Variants in RBM28 observed in about 807,000 individuals in gnomAD.
RBM28 encodes RNA-binding protein 28.
A neutral mutation model predicts 98.3 loss-of-function variants in RBM28; 78 were observed. That is an observed-to-expected ratio of 0.79 (90% CI 0.66 to 0.96). RBM28 has a LOEUF of 0.96. Ranked by LOEUF, RBM28 falls within the 40% of genes least tolerant of loss-of-function variation. The pLI, the probability that RBM28 is intolerant of heterozygous loss-of-function variation, is 0.00. For synonymous variants in RBM28, 306 were observed against 330.9 expected (o/e 0.92, Z 0.82); for missense variants, 838 against 913.0 (o/e 0.92, Z 1.06).
At chr7:128,330,163 G>GA (rs936622591) in intron 10 of RBM28, among the ~76,000 whole-genome samples, 5 of 150,062 alleles carry the variant, frequency 3.3e-5, no homozygotes, top group African/African-American at 1.2e-4. Context: ...AAAGCAACAG[G>GA]AAAAAAAAAG....
chr7:128,299,988 C>G lies in RBM28; in HGVS notation c.*10809G>C, dbSNP rs1052464206. On this transcript the variant is annotated 3_prime_UTR_variant, in exon 19 of 19. Coordinates refer to ENST00000223073, the MANE Select transcript of RBM28 (RefSeq NM_018077.3). ...ATTCCTCATGAAGGAACCAACCTTG[C>G]CAACACTTTGATTTTAGACTTCTAG... The G allele has an allele frequency of 2.6e-5, 4 of 152,226 alleles. No individual in the cohort carries two copies. Among genetic ancestry groups the G allele is most frequent in the Non-Finnish European group, 5.9e-5 (4 of 68,038 alleles). 9.4% of individuals were successfully genotyped at this position (152,226 alleles called of 1,614,324 possible). A position where few individuals can be genotyped will look rare whatever the true frequency, so the allele number is the denominator to read the frequency against.
intron 12 of RBM28, among the ~76,000 whole-genome samples, chr7:128,324,184 T>C (rs1399834770): frequency 1.3e-5 from 2 of 152,168 alleles, no homozygotes; most frequent in African/African-American, 2.4e-5. Flanking sequence ...TAAAGGAAAG[T>C]ATTGGGTGCA....
chr7:128,339,457 C>G, intron 2 of RBM28, 136 bp from the exon 3 acceptor site: 1 of 1,131,054 alleles, frequency 8.8e-7, no homozygotes, highest in Non-Finnish European at 1.3e-6. Flanking sequence ...CAAGGAATAC[C>G]AGATTTTTCC....
intron 16 of RBM28, among the ~76,000 whole-genome samples, chr7:128,317,415 G>A (rs979157918): frequency 4.6e-5 from 7 of 152,016 alleles, no homozygotes; most frequent in African/African-American, 1.7e-4. Context: ...TGTAAAAAAC[G>A]GCTGACTGGA....
At chr7:128,333,449 G>T in intron 8 of RBM28, 87 bp from the exon 9 acceptor site, 1 of 1,154,262 alleles carries the variant, frequency 8.7e-7, no homozygotes, top group Non-Finnish European at 1.3e-6. Flanking sequence ...ATAAAGATAA[G>T]CCTGGCGCAG....
At chr7:128,333,254 C>A in intron 9 of RBM28, 36 bp downstream of exon 9, 1 of 1,494,204 alleles carries the variant, frequency 6.7e-7, no homozygotes, top group South Asian at 1.1e-5. Context: ...TCTATGAAGA[C>A]CACGCAAAAG....
In RBM28 at chr7:128,304,930, G is replaced by T. The variant is rs1456575465; in HGVS notation, c.*5867C>A. On this transcript the variant is annotated 3_prime_UTR_variant, in exon 19 of 19. Coordinates refer to ENST00000223073, the MANE Select transcript of RBM28 (RefSeq NM_018077.3). ...AATCCCAGCACTTTGGGAGGCCGAGGTGGGTGGATCACCTGAGGTCAGGAG... is the reference window on the plus strand; with the variant it reads ...AATCCCAGCACTTTGGGAGGCCGAGTTGGGTGGATCACCTGAGGTCAGGAG... 2 of 152,336 alleles carry T rather than the reference G, an allele frequency of 1.3e-5. No homozygotes were observed. Among genetic ancestry groups the T allele is most frequent in the Non-Finnish European group, 2.9e-5 (2 of 68,060 alleles). 9.4% of individuals were successfully genotyped at this position (152,336 alleles called of 1,614,324 possible). A position where few individuals can be genotyped will look rare whatever the true frequency, so the allele number is the denominator to read the frequency against.
intron 13 of RBM28, among the ~76,000 whole-genome samples, 154 bp downstream of exon 13, chr7:128,323,373 C>T (rs575968037): frequency 6.6e-6 from 1 of 152,330 alleles, no homozygotes; most frequent in East Asian, 1.9e-4. Context: ...GGGTTACTTG[C>T]TATTTCACCT....
At chr7:128,312,334 G>A (rs1223342529) in intron 18 of RBM28, among the ~76,000 whole-genome samples, 2 of 152,180 alleles carry the variant, frequency 1.3e-5, no homozygotes, top group Non-Finnish European at 2.9e-5. Context: ...GGAGGCGGAG[G>A]TTGCAGTGAG....
chr7:128,311,758 G>C (rs1795990249), intron 18 of RBM28, among the ~76,000 whole-genome samples: 1 of 151,140 alleles, frequency 6.6e-6, no homozygotes, highest in Non-Finnish European at 1.5e-5. Flanking sequence ...AACAGAGAGA[G>C]AGAAAAAAAA....
intron 6 of RBM28, 134 bp from the exon 7 acceptor site, chr7:128,336,176 T>C: frequency 1.2e-6 from 1 of 812,348 alleles, no homozygotes; most frequent in East Asian, 2.7e-5. Context: ...TTACTGCATA[T>C]AACAGGAGAA....
intron 16 of RBM28, among the ~76,000 whole-genome samples, chr7:128,315,667 CAAG>C (rs1562949282): frequency 2.0e-5 from 3 of 151,324 alleles, no homozygotes; most frequent in African/African-American, 7.3e-5. Context: ...ACCATGTAAG[CAAG>C]AAGGGAGTGA....
At position 128,300,738 on chromosome 7, in the gene RBM28, G is replaced by A. The variant is rs758650641; in HGVS notation, c.*10059C>T. On this transcript the variant is annotated 3_prime_UTR_variant, in exon 19 of 19. Coordinates refer to ENST00000223073, the MANE Select transcript of RBM28 (RefSeq NM_018077.3). ...ATGCTGACTCCAATTGTTGGGTGCG[G>A]TTGCATGGATTGATGTCAAAAGCCT... 1.3e-5 allele frequency: 2 copies of A among 152,352 alleles called. No individual in the cohort carries two copies. Among genetic ancestry groups the A allele is most frequent in the Non-Finnish European group, 2.9e-5 (2 of 68,106 alleles). 9.4% of individuals were successfully genotyped at this position (152,352 alleles called of 1,614,324 possible).
chr7:128,328,497 T>C (rs1796402291), intron 10 of RBM28, among the ~76,000 whole-genome samples: 1 of 152,208 alleles, frequency 6.6e-6, no homozygotes, highest in African/African-American at 2.4e-5. Flanking sequence ...AAAAATTTAA[T>C]GAGCTAGGGA....
intron 1 of RBM28, among the ~76,000 whole-genome samples, chr7:128,342,138 C>A (rs910525438): frequency 1.1e-4 from 16 of 152,172 alleles, no homozygotes; most frequent in Non-Finnish European, 1.9e-4. Context: ...CAACTGTCAA[C>A]AGGGTTGACA....
At position 128,302,909 on chromosome 7, in the gene RBM28, A is replaced by T. The variant is rs1018174411; in HGVS notation, c.*7888T>A. ...TGCCCCAGCCTCCCGAGCAGCTGGG[A>T]CTACAGTGCACACCACCACACAAGG... is the stretch of plus-strand genomic sequence containing the variant. On this transcript the variant is annotated 3_prime_UTR_variant, in exon 19 of 19. Transcript: ENST00000223073. 1 of 152,158 alleles carries T rather than the reference A, an allele frequency of 6.6e-6. No individual in the cohort carries two copies. Among genetic ancestry groups the T allele is most frequent in the African/African-American group, 2.4e-5 (1 of 41,390 alleles). 9.4% of individuals were successfully genotyped at this position (152,158 alleles called of 1,614,324 possible). A position where few individuals can be genotyped will look rare whatever the true frequency, so the allele number is the denominator to read the frequency against.
At chr7:128,343,043 T>G (rs1361596514) in intron 1 of RBM28, among the ~76,000 whole-genome samples, 1 of 152,226 alleles carries the variant, frequency 6.6e-6, no homozygotes, top group African/African-American at 2.4e-5. Flanking sequence ...GTTTATTGGC[T>G]CGTTTATTGG....
intron 8 of RBM28, among the ~76,000 whole-genome samples, chr7:128,333,723 AAAAT>A (rs1796536618): frequency 6.6e-6 from 1 of 152,184 alleles, no homozygotes; most frequent in Admixed American, 6.5e-5. Flanking sequence ...AGTCTCAAAA[AAAAT>A]AAATAAATAA....
rs1168409689 is a variant in RBM28, at chr7:128,335,886, A to G, written c.770T>C (p.Ile257Thr). The G allele has an allele frequency of 6.2e-7, 1 of 1,613,962 alleles. No individual in the cohort carries two copies. ...CACAGGCTTGGTCACCTTTGATTCTATATTCTCTTCCTCTTCATCTTCATC... is the reference window on the plus strand; with the variant it reads ...CACAGGCTTGGTCACCTTTGATTCTGTATTCTCTTCCTCTTCATCTTCATC... ...FDDEDEEEEN[I>T]ESKVTKPVQI... Residue 257 changes from isoleucine (I) to threonine (T), a missense_variant, in exon 7 of 19, where the codon ATA (isoleucine) becomes ACA (threonine). Transcript: ENST00000223073.
Sources: gnomAD v4.1 joint callset for allele counts (sites outside exome capture counted in the v4.1 genomes callset) on GRCh38, gnomAD v4.1.1 for gene constraint, MANE v1.5 for transcripts, NCBI Gene and HGNC (gene_info 2026-07-23, HGNC 2026-07-21) for gene names.